TMEM108: variants seen among roughly 807,000 people sequenced by gnomAD.
TMEM108 encodes the protein cancer/testis antigen 124.
A neutral mutation model predicts 35.1 loss-of-function variants in TMEM108; 12 were observed. The ratio of observed to expected loss-of-function variants is 0.34; its 90% CI spans 0.22 to 0.55. TMEM108 has a LOEUF of 0.55. TMEM108 is among the 20% of genes least tolerant of loss of function. The probability of loss-of-function intolerance (pLI) is 0.89; values close to 1 mark genes in which losing one functional copy is unlikely to be tolerated. For missense variants in TMEM108, 680 were observed against 753.3 expected (o/e 0.90, Z 1.14); for synonymous variants, 287 against 308.6 (o/e 0.93, Z 0.73).
chr3:133,088,198 G>T (rs1338154816), intron 2 of TMEM108, among the ~76,000 whole-genome samples: 3 of 152,060 alleles, frequency 2.0e-5, no homozygotes, highest in Non-Finnish European at 4.4e-5. Context: ...TCCAGCAGTG[G>T]TAGGGAGCCT....
intron 3 of TMEM108, among the ~76,000 whole-genome samples, chr3:133,294,892 G>A (rs760290295): frequency 6.6e-6 from 1 of 152,118 alleles, no homozygotes; most frequent in Non-Finnish European, 1.5e-5. Context: ...AATCTAATGA[G>A]AACAGAACCA....
intron 2 of TMEM108, among the ~76,000 whole-genome samples, chr3:133,219,722 C>T (rs1409425556): frequency 6.6e-6 from 1 of 152,076 alleles, no homozygotes; most frequent in Non-Finnish European, 1.5e-5. Flanking sequence ...TTTAGACCTT[C>T]TTAAACTTAA....
At chr3:133,354,935 ATCG>A (rs1276235072) in intron 3 of TMEM108, among the ~76,000 whole-genome samples, 2 of 152,044 alleles carry the variant, frequency 1.3e-5, no homozygotes, top group Non-Finnish European at 2.9e-5. Flanking sequence ...CTTTAAAATG[ATCG>A]TCACTTCATA....
chr3:133,115,538 A>G (rs35567122), intron 2 of TMEM108, among the ~76,000 whole-genome samples: 1 of 152,258 alleles, frequency 6.6e-6, no homozygotes, highest in Non-Finnish European at 1.5e-5. Context: ...ATGCAAAACC[A>G]GGTTATCTAC....
chr3:133,057,471 A>C (rs1283594507), intron 2 of TMEM108, among the ~76,000 whole-genome samples: 8 of 39,274 alleles, frequency 2.0e-4, no homozygotes, highest in Admixed American at 1.8e-3. Context: ...ATATATATAT[A>C]TATATATATA....
intron 2 of TMEM108, among the ~76,000 whole-genome samples, chr3:133,128,671 G>A (rs1395352716): frequency 1.3e-5 from 2 of 152,044 alleles, no homozygotes; most frequent in East Asian, 3.9e-4. Context: ...TGATCTTAAG[G>A]CCTTTTGGTC....
In TMEM108 at chr3:133,178,167, T is replaced by C. The variant is rs554159058; in HGVS notation, c.-46-51099T>C. On this transcript the variant is annotated intron_variant, in intron 2 of 5. Transcript: ENST00000321871. ...CACTGCTCAATGAAATAAAAGAGGA[T>C]ACAAACAAATGGAAGAACATTCCAT... Among the ~76,000 whole-genome samples the C allele has an allele frequency of 9.9e-5, 15 of 152,006 alleles. No individual in the cohort carries two copies. The South Asian group carries it at 2.7e-3, about 27-fold the overall frequency.
At chr3:133,172,727 A>G (rs186695883) in intron 2 of TMEM108, among the ~76,000 whole-genome samples, 80 of 152,288 alleles carry the variant, frequency 5.3e-4, no homozygotes, top group African/African-American at 1.4e-3. Flanking sequence ...AATCTGATTT[A>G]TTTTTATCTA....
intron 3 of TMEM108, among the ~76,000 whole-genome samples, chr3:133,342,555 T>TATATATATATATATACACACACAC (rs60991711): frequency 3.2e-5 from 2 of 63,418 alleles, no homozygotes; most frequent in African/African-American, 1.0e-4. Context: ...TATATATATA[T>TATATATATATATATACACACACAC]ACACACACAC....
At chr3:133,289,553 AGCACTTGT>A (rs1311355832) in intron 3 of TMEM108, among the ~76,000 whole-genome samples, 1 of 152,206 alleles carries the variant, frequency 6.6e-6, no homozygotes, top group Non-Finnish European at 1.5e-5. Context: ...CTGGGTTTTC[AGCACTTGT>A]CATTGAGGGC....
At chr3:133,059,475 C>CTT (rs1943511214) in intron 2 of TMEM108, among the ~76,000 whole-genome samples, 1 of 152,150 alleles carries the variant, frequency 6.6e-6, no homozygotes, top group Admixed American at 6.5e-5. Flanking sequence ...TAAACTTTCT[C>CTT]TTTCTTATAA....
At chr3:133,217,758 T>C (rs1945930683) in intron 2 of TMEM108, among the ~76,000 whole-genome samples, 1 of 152,084 alleles carries the variant, frequency 6.6e-6, no homozygotes, top group South Asian at 2.1e-4. Flanking sequence ...GATTTATTTC[T>C]GGGCTCTCTG....
chr3:133,090,013 G>A (rs1176270611), intron 2 of TMEM108, among the ~76,000 whole-genome samples: 1 of 152,178 alleles, frequency 6.6e-6, no homozygotes, highest in African/African-American at 2.4e-5. Flanking sequence ...TTGAACATAG[G>A]TTGTAGATTA....
At position 133,373,856 on chromosome 3, in the gene TMEM108, A is replaced by G. The variant is rs137994513; in HGVS notation, c.41-5896A>G. Among the ~76,000 whole-genome samples, 117 of 152,340 alleles carry G rather than the reference A, an allele frequency of 7.7e-4. No homozygotes were observed. In the South Asian group the frequency reaches 8.1e-3, roughly 11 times the overall value. On this transcript the variant is annotated intron_variant, in intron 3 of 5. Transcript: ENST00000321871. The stretch of plus-strand genomic sequence containing the variant: ...CAGTAACAATCATTTATTTTGTTCA[A>G]AAATCTTAGGGTTGACCAGGCTCAG...
At chr3:133,147,851 T>G (rs2107763716) in intron 2 of TMEM108, among the ~76,000 whole-genome samples, 1 of 152,182 alleles carries the variant, frequency 6.6e-6, no homozygotes, top group East Asian at 1.9e-4. Flanking sequence ...GGTGCTGGAT[T>G]AAAGTTAGAA....
chr3:133,268,161 G>A (rs1477337149), intron 3 of TMEM108, among the ~76,000 whole-genome samples: 1 of 152,250 alleles, frequency 6.6e-6, no homozygotes, highest in Non-Finnish European at 1.5e-5. Context: ...GAGGCAGTAA[G>A]AAGAGAATTG....
chr3:133,168,271 G>A (rs1945074065), intron 2 of TMEM108, among the ~76,000 whole-genome samples: 1 of 152,166 alleles, frequency 6.6e-6, no homozygotes, highest in Non-Finnish European at 1.5e-5. Flanking sequence ...GAATACCACA[G>A]ACTGGGTAAT....
chr3:133,292,434 T>C (rs1947083946), intron 3 of TMEM108, among the ~76,000 whole-genome samples: 1 of 152,240 alleles, frequency 6.6e-6, no homozygotes, highest in Admixed American at 6.5e-5. Context: ...TTTCGGTTGA[T>C]CTCAGGCTCT....
chr3:133,132,158 CA>C (rs1379542057), intron 2 of TMEM108, among the ~76,000 whole-genome samples: 1 of 152,174 alleles, frequency 6.6e-6, no homozygotes, highest in African/African-American at 2.4e-5. Context: ...GAAGCTGCAG[CA>C]AGTTATCTAG....
Sources: allele counts gnomAD v4.1 joint callset (sites outside exome capture counted in the v4.1 genomes callset), GRCh38; gene constraint gnomAD v4.1.1; transcripts MANE v1.5; gene names NCBI Gene and HGNC (gene_info 2026-07-23, HGNC 2026-07-21).